The following LAMB3 variants were observed in gnomAD, a reference collection of about 807,000 sequenced individuals.
LAMB3 encodes laminin subunit beta-3.
A neutral mutation model predicts 140.3 loss-of-function variants in LAMB3; 104 were observed. That is an observed-to-expected ratio of 0.74 (90% CI 0.63 to 0.87). The LOEUF (loss-of-function observed/expected upper bound fraction) is 0.87, where lower values mean the gene tolerates loss of function less well. Ranked by LOEUF, LAMB3 falls within the 40% of genes least tolerant of loss-of-function variation. The pLI, the probability that LAMB3 is intolerant of heterozygous loss-of-function variation, is 0.00. For missense variants in LAMB3, 1,531 were observed against 1,575.2 expected (o/e 0.97, Z 0.47); for synonymous variants, 592 against 602.9 (o/e 0.98, Z 0.26).
chr1:209,626,773 C>T (rs1231992839), intron 13 of LAMB3, 94 bp downstream of exon 13: 5 of 881,060 alleles, frequency 5.7e-6, no homozygotes, highest in Non-Finnish European at 9.3e-6. Context: ...TACAGGACAT[C>T]CTGCCCTGCT....
intron 11 of LAMB3, 117 bp from the exon 12 acceptor site, chr1:209,627,696 G>A (rs1666520624): frequency 2.1e-6 from 2 of 972,896 alleles, no homozygotes; most frequent in African/African-American, 1.6e-5. Flanking sequence ...GCCCTTCCCT[G>A]CAGATGACAT....
intron 3 of LAMB3, among the ~76,000 whole-genome samples, chr1:209,647,685 C>G (rs969943392): frequency 6.6e-6 from 1 of 152,076 alleles, no homozygotes; most frequent in Non-Finnish European, 1.5e-5. Context: ...ATTCGGCCAG[C>G]CTCATTTCTG....
chr1:209,618,422 C>A, intron 19 of LAMB3, 30 bp downstream of exon 19: 2 of 1,607,492 alleles, frequency 1.2e-6, no homozygotes, highest in East Asian at 2.2e-5. Flanking sequence ...TAATCCTGGG[C>A]AGAGAGAAGT....
intron 11 of LAMB3, 24 bp downstream of exon 11, chr1:209,628,011 T>G (rs541815029): frequency 2.5e-6 from 4 of 1,585,090 alleles, no homozygotes; most frequent in Non-Finnish European, 3.4e-6. Context: ...CCCCACGTCA[T>G]GCTGGGCCAA....
At position 209,636,958 on chromosome 1, in the gene LAMB3, A is replaced by C. The variant is rs532764538; in HGVS notation, c.372+950T>G. Among the ~76,000 whole-genome samples, 3 of 152,326 alleles carry C rather than the reference A, an allele frequency of 2.0e-5. No individual in the cohort carries two copies. The South Asian group carries it at 6.2e-4, about 32-fold the overall frequency. On this transcript the variant is annotated intron_variant, in intron 5 of 22. Transcript: ENST00000356082. ...TGGTTTTATTCATCTTTATATCCCT[A>C]ACATCTGACACCAAGCCTAATGAGT...
rs1398440303 is a variant in LAMB3 at position 209,615,372 on chromosome 1, T to C, written c.3418A>G (p.Ile1140Val). Reference protein sequence around the residue: ...ELELLRGSQAIMLRSADLTGL... With the variant: ...ELELLRGSQAVMLRSADLTGL... ...GTCAGGTCCGCTGAGCGCAGCATGA[T>C]GGCCTGGCTGCCCCGCAGCAGCTCC... Residue 1140 changes from isoleucine (I) to valine (V), a missense_variant, in exon 23 of 23, where the codon ATC (isoleucine) becomes GTC (valine). Ile to Val is a conservative substitution (Grantham distance 29). Transcript: ENST00000356082. 1.9e-6 allele frequency: 3 copies of C among 1,611,088 alleles called. No individual in the cohort carries two copies. Among genetic ancestry groups the C allele is most frequent in the African/African-American group, 1.3e-5 (1 of 74,878 alleles).
rs200589759 is a variant in LAMB3, at chr1:209,618,094, C to T, written c.2910-46G>A. ...GGAGAGGAGAGAGAGAATGAGTGAA[C>T]AGTGAATCAATGTGTGGTTCGACTC... On this transcript the variant is annotated intron_variant, in intron 19 of 22. Coordinates refer to ENST00000356082, the MANE Select transcript of LAMB3 (RefSeq NM_000228.3). 170 of 1,611,964 alleles carry T rather than the reference C, an allele frequency of 1.1e-4. No individual in the cohort carries two copies. In the Middle Eastern group the frequency reaches 1.7e-3, roughly 16 times the overall value.
At chr1:209,626,270 C>T (rs1425729339) in intron 13 of LAMB3, among the ~76,000 whole-genome samples, 18 of 152,228 alleles carry the variant, frequency 1.2e-4, no homozygotes, top group Admixed American at 1.2e-3. Flanking sequence ...GATCTTCACA[C>T]CACTCTGGGA....
intron 11 of LAMB3, 134 bp downstream of exon 11, chr1:209,627,901 G>T: frequency 1.6e-6 from 2 of 1,214,960 alleles, no homozygotes; most frequent in Non-Finnish European, 2.3e-6. Context: ...CCTGGCAAAG[G>T]CCCGGGCATA....
chr1:209,642,083 G>A (rs1000813901), intron 3 of LAMB3, among the ~76,000 whole-genome samples: 4 of 152,078 alleles, frequency 2.6e-5, no homozygotes, highest in African/African-American at 7.2e-5. Flanking sequence ...TGGAGACTGC[G>A]GAAATGCCCC....
chr1:209,622,126 T>C (rs538190306), intron 18 of LAMB3, among the ~76,000 whole-genome samples: 263 of 152,312 alleles, frequency 1.7e-3, no homozygotes, highest in African/African-American at 6.0e-3. Context: ...GAGCCTGACA[T>C]GTTCAAGGAC....
intron 6 of LAMB3, among the ~76,000 whole-genome samples, chr1:209,633,800 C>G (rs749036967): frequency 7.2e-5 from 11 of 152,178 alleles, no homozygotes; most frequent in Non-Finnish European, 1.6e-4. Context: ...TCACCTGTGT[C>G]TCAGCCAGGG....
chr1:209,618,353 G>A (rs1666060959), intron 19 of LAMB3, 99 bp downstream of exon 19: 1 of 1,223,130 alleles, frequency 8.2e-7, no homozygotes, highest in Non-Finnish European at 1.2e-6. Flanking sequence ...ACCCCCTCCT[G>A]TCTCCCAGCC....
chr1:209,625,831 C>T lies in LAMB3; in HGVS notation c.1793G>A (p.Arg598His), dbSNP rs139555809. 61 of 1,614,006 alleles carry T rather than the reference C, an allele frequency of 3.8e-5. No individual in the cohort carries two copies. Among genetic ancestry groups the T allele is most frequent in the Admixed American group, 3.3e-5 (2 of 60,008 alleles). The change falls in exon 14 of 23, where the codon CGC becomes CAC. Residue 598 changes from arginine (R) to histidine (H), a missense_variant. Transcript: ENST00000356082. Reference sequence around the variant, plus strand: ...GGTGGCATTGCGGAGTCTACCAAAGCGCAGGGCCTGCTCCCGGAGGTCCGC... The same window carrying T: ...GGTGGCATTGCGGAGTCTACCAAAGTGCAGGGCCTGCTCCCGGAGGTCCGC... ...YDADLREQAL[R>H]FGRLRNATAS... is the part of the protein sequence containing the mutation.
At chr1:209,634,371 G>A (rs1666813036) in intron 6 of LAMB3, 76 bp downstream of exon 6, 1 of 1,459,728 alleles carries the variant, frequency 6.9e-7, no homozygotes, top group African/African-American at 1.4e-5. Flanking sequence ...CTTCTCAGGA[G>A]TCCGTGTGGC....
chr1:209,644,368 CAA>C (rs2076497295), intron 3 of LAMB3, among the ~76,000 whole-genome samples: 1 of 152,194 alleles, frequency 6.6e-6, no homozygotes, highest in Non-Finnish European at 1.5e-5. Context: ...GCTACACACT[CAA>C]AAATTACACT....
intron 3 of LAMB3, among the ~76,000 whole-genome samples, chr1:209,641,111 A>AG (rs1225860104): frequency 2.6e-5 from 4 of 151,858 alleles, no homozygotes; most frequent in East Asian, 3.9e-4. Context: ...TAAAAAAAAA[A>AG]AAAGAAAGAA....
chr1:209,636,133 C>T (rs999851625), intron 5 of LAMB3, among the ~76,000 whole-genome samples: 3 of 149,260 alleles, frequency 2.0e-5, no homozygotes, highest in African/African-American at 4.9e-5. Flanking sequence ...CCTTCAGAAA[C>T]GTCACCACGA....
chr1:209,629,836 T>A lies in LAMB3; in HGVS notation c.1033A>T (p.Asn345Tyr). Residue 345 changes from asparagine to tyrosine, a missense_variant, in exon 10 of 23, where the codon AAT becomes TAT. Asn to Tyr is a moderately radical substitution (Grantham distance 143). Transcript: ENST00000356082. ...TTGCCTTCGGTGTGGTCCCGGCAATTGTCACACACACCTCCATATGCCCCC... is the reference window on the plus strand; with the variant it reads ...TTGCCTTCGGTGTGGTCCCGGCAATAGTCACACACACCTCCATATGCCCCC... ...SQGAYGGVCD[N>Y]CRDHTEGKNC... is the part of the protein sequence containing the mutation. 2 of 1,614,220 alleles carry A rather than the reference T, an allele frequency of 1.2e-6. No individual in the cohort carries two copies. Among genetic ancestry groups the A allele is most frequent in the South Asian group, 2.2e-5 (2 of 91,090 alleles).
Sources: gnomAD v4.1 joint callset for allele counts (sites outside exome capture counted in the v4.1 genomes callset) on GRCh38, gnomAD v4.1.1 for gene constraint, MANE v1.5 for transcripts, NCBI Gene and HGNC (gene_info 2026-07-23, HGNC 2026-07-21) for gene names.